The following SGK3 variants were observed in gnomAD, a reference collection of about 807,000 sequenced individuals.
SGK3 encodes the protein serum/glucocorticoid regulated kinase family member 3, also known as serine/threonine-protein kinase Sgk3.
SGK3 carries 47 observed loss-of-function variants against 68.5 expected under a neutral mutation model. The observed-to-expected ratio is 0.69, with a 90% CI of 0.54 to 0.87. The LOEUF (loss-of-function observed/expected upper bound fraction) is 0.87, where lower values mean the gene tolerates loss of function less well. Among genes scored for constraint, SGK3 ranks in the 40% least tolerant of loss-of-function variants. SGK3 has a pLI of 0.00. For missense variants in SGK3, 479 were observed against 575.5 expected, an observed-to-expected ratio of 0.83 and a Z score of 1.72; for synonymous variants, 181 against 189.1, an observed-to-expected ratio of 0.96 and a Z score of 0.35.
chr8:66,771,361 A>G (rs779273944), intron 1 of SGK3, among the ~76,000 whole-genome samples: 1 of 152,190 alleles, frequency 6.6e-6, no homozygotes, highest in Non-Finnish European at 1.5e-5. Flanking sequence ...GAAATGTACT[A>G]TTGACATTTT....
chr8:66,715,838 G>A (rs1185259151), intron 1 of SGK3, among the ~76,000 whole-genome samples: 1 of 152,102 alleles, frequency 6.6e-6, no homozygotes, highest in Admixed American at 6.6e-5. Flanking sequence ...GAGTTATCAG[G>A]GAGATATGAG....
At position 66,840,015 on chromosome 8, in the gene SGK3, T is replaced by C. The variant is rs753343248; in HGVS notation, c.754T>C (p.Leu252=). The change falls in exon 11 of 17, where the codon TTA becomes CTA. Residue 252 remains leucine, a synonymous_variant. Transcript: ENST00000521198. ...FVNGGELFFH[L]QRERSFPEHR... is the part of the protein sequence containing the mutation. ...ACCAATTTGACAGCTTTTTTTCCACTTACAAAGAGAACGGTCCTTTCCTGA... is the reference window on the plus strand; with the variant it reads ...ACCAATTTGACAGCTTTTTTTCCACCTACAAAGAGAACGGTCCTTTCCTGA... 1 of 1,613,526 alleles carries C rather than the reference T, an allele frequency of 6.2e-7. No homozygotes were observed. Among genetic ancestry groups the C allele is most frequent in the South Asian group, 1.1e-5 (1 of 90,972 alleles).
At chr8:66,855,001 C>T (rs1422463950) in intron 16 of SGK3, among the ~76,000 whole-genome samples, 2 of 152,170 alleles carry the variant, frequency 1.3e-5, no homozygotes, top group South Asian at 2.1e-4. Flanking sequence ...ACAACAACAA[C>T]AAAAAGTGAA....
chr8:66,787,504 G>A (rs955297424), intron 1 of SGK3, among the ~76,000 whole-genome samples: 1 of 152,124 alleles, frequency 6.6e-6, no homozygotes, highest in Non-Finnish European at 1.5e-5. Flanking sequence ...CTTAGTGTTG[G>A]TCTTTTCTGT....
intron 5 of SGK3, among the ~76,000 whole-genome samples, chr8:66,818,983 T>C (rs1372702432): frequency 1.3e-5 from 2 of 152,238 alleles, no homozygotes; most frequent in African/African-American, 4.8e-5. Context: ...GCAAAATAGT[T>C]GTGCAAAGTG....
chr8:66,744,506 TA>T (rs1805576773), intron 1 of SGK3, among the ~76,000 whole-genome samples: 1 of 32,342 alleles, frequency 3.1e-5, no homozygotes, highest in Non-Finnish European at 6.8e-5. Flanking sequence ...TATATATATA[TA>T]TATATATATA....
At chr8:66,749,019 T>A (rs1805729561) in intron 1 of SGK3, among the ~76,000 whole-genome samples, 1 of 152,108 alleles carries the variant, frequency 6.6e-6, no homozygotes, top group African/African-American at 2.4e-5. Flanking sequence ...CTCAGCCGCT[T>A]GAGTAGCTCT....
At chr8:66,727,814 A>G (rs1477303443) in intron 1 of SGK3, among the ~76,000 whole-genome samples, 1 of 152,338 alleles carries the variant, frequency 6.6e-6, no homozygotes. Flanking sequence ...AGTGTCAGGT[A>G]TTCTGTTATA....
chr8:66,754,504 T>C lies in SGK3; in HGVS notation c.-121-39112T>C, dbSNP rs375409056. Among the ~76,000 whole-genome samples the C allele has an allele frequency of 2.0e-5, 3 of 152,058 alleles. No individual in the cohort carries two copies. In the South Asian group the frequency reaches 6.2e-4, roughly 32 times the overall value. On this transcript the variant is annotated intron_variant, in intron 1 of 16. Coordinates refer to ENST00000521198, the MANE Select transcript of SGK3 (RefSeq NM_001033578.3). ...TCCAAAATGCTTGGAACAGGAAGTG[T>C]TTTGGATTTCGGGTATTTACAGATT...
intron 8 of SGK3, among the ~76,000 whole-genome samples, chr8:66,834,359 CTG>C (rs1298090321): frequency 2.6e-5 from 4 of 152,076 alleles, no homozygotes; most frequent in Non-Finnish European, 5.9e-5. Context: ...CAAAAGTTAT[CTG>C]TGTTATTTGA....
At chr8:66,756,031 G>A (rs1805963883) in intron 1 of SGK3, among the ~76,000 whole-genome samples, 1 of 152,146 alleles carries the variant, frequency 6.6e-6, no homozygotes, top group East Asian at 1.9e-4. Flanking sequence ...TGTATTTGGA[G>A]ACAGGATCTT....
At chr8:66,784,957 G>T (rs1410846878) in intron 1 of SGK3, among the ~76,000 whole-genome samples, 1 of 152,016 alleles carries the variant, frequency 6.6e-6, no homozygotes, top group South Asian at 2.1e-4. Context: ...ATTAGCCCTT[G>T]GTTGTCATCG....
intron 2 of SGK3, 107 bp downstream of exon 2, chr8:66,793,939 ACCT>A (rs1807568464): frequency 2.6e-6 from 3 of 1,149,876 alleles, no homozygotes; most frequent in Non-Finnish European, 3.7e-6. Flanking sequence ...ATCTCCACAT[ACCT>A]AGATTTTACT....
intron 4 of SGK3, among the ~76,000 whole-genome samples, chr8:66,809,775 A>G (rs1012377533): frequency 1.3e-5 from 2 of 152,256 alleles, no homozygotes; most frequent in Non-Finnish European, 2.9e-5. Flanking sequence ...TGATGAATTA[A>G]TAGTTCTAGG....
At chr8:66,784,029 C>T (rs533195797) in intron 1 of SGK3, among the ~76,000 whole-genome samples, 1 of 152,064 alleles carries the variant, frequency 6.6e-6, no homozygotes, top group South Asian at 2.1e-4. Flanking sequence ...TCTCAAGTAG[C>T]CAGGACTACA....
chr8:66,800,271 G>A (rs2130597305), intron 3 of SGK3, among the ~76,000 whole-genome samples: 1 of 151,208 alleles, frequency 6.6e-6, no homozygotes, highest in Non-Finnish European at 1.5e-5. Context: ...AACCCGGGAG[G>A]CAGAGGTTGC....
intron 4 of SGK3, among the ~76,000 whole-genome samples, chr8:66,810,162 G>A (rs1238027513): frequency 1.3e-5 from 2 of 151,870 alleles, no homozygotes; most frequent in Non-Finnish European, 2.9e-5. Flanking sequence ...TGATTTCATG[G>A]CTTTACTGTT....
At chr8:66,760,048 T>C (rs1233139787) in intron 1 of SGK3, among the ~76,000 whole-genome samples, 1 of 152,220 alleles carries the variant, frequency 6.6e-6, no homozygotes, top group Admixed American at 6.5e-5. Flanking sequence ...TTGTAATTTC[T>C]TTAATTAGTC....
chr8:66,728,981 A>G (rs1805058969), intron 1 of SGK3, among the ~76,000 whole-genome samples: 1 of 151,718 alleles, frequency 6.6e-6, no homozygotes, highest in Non-Finnish European at 1.5e-5. Context: ...GCACTTTGGG[A>G]GGCTGAGGCG....
Sources: allele counts gnomAD v4.1 joint callset (sites outside exome capture counted in the v4.1 genomes callset), GRCh38; gene constraint gnomAD v4.1.1; transcripts MANE v1.5; gene names NCBI Gene and HGNC (gene_info 2026-07-23, HGNC 2026-07-21).